Variants in PITPNC1 observed in about 807,000 individuals in gnomAD.
PITPNC1 encodes the protein cytoplasmic phosphatidylinositol transfer protein 1.
In PITPNC1, 18 loss-of-function variants were observed where a neutral mutation model predicts 44.7. The ratio of observed to expected loss-of-function variants is 0.40; its 90% confidence interval spans 0.28 to 0.60. The LOEUF is 0.60. Ranked by LOEUF, PITPNC1 falls within the 20% of genes least tolerant of loss-of-function variation. PITPNC1 has a pLI of 0.39. For missense variants in PITPNC1, 290 were observed against 418.4 expected, an observed-to-expected ratio of 0.69 and a Z score of 2.68; for synonymous variants, 141 against 149.6, an observed-to-expected ratio of 0.94 and a Z score of 0.42.
intron 4 of PITPNC1, among the ~76,000 whole-genome samples, chr17:67,555,272 A>G (rs574697300): frequency 6.6e-6 from 1 of 152,172 alleles, no homozygotes; most frequent in Non-Finnish European, 1.5e-5. Flanking sequence ...TTGTCTTTAG[A>G]GGGTCATATT....
intron 8 of PITPNC1, among the ~76,000 whole-genome samples, chr17:67,688,711 G>C (rs1599002811): frequency 6.6e-6 from 1 of 152,048 alleles, no homozygotes; most frequent in Non-Finnish European, 1.5e-5. Context: ...TTTTCTTTTA[G>C]AAATGTTGGG....
At position 67,537,506 on chromosome 17, in the gene PITPNC1, A is replaced by T. The variant is rs190813041; in HGVS notation, c.197+4556A>T. On this transcript the variant is annotated intron_variant, in intron 2 of 8. Coordinates refer to ENST00000581322, the MANE Select transcript of PITPNC1 (RefSeq NM_012417.4). ...ATCAGTCTATAAGATATACAAAATCATTTTGGAGAAAAACATAAAACATTT... is the reference window on the plus strand; with the variant it reads ...ATCAGTCTATAAGATATACAAAATCTTTTTGGAGAAAAACATAAAACATTT... Among the ~76,000 whole-genome samples the T allele has an allele frequency of 2.6e-5, 4 of 152,360 alleles. No individual in the cohort carries two copies. In the East Asian group the frequency reaches 7.7e-4, roughly 29 times the overall value.
intron 6 of PITPNC1, among the ~76,000 whole-genome samples, chr17:67,653,093 C>A (rs1368312536): frequency 6.6e-6 from 1 of 152,036 alleles, no homozygotes; most frequent in Non-Finnish European, 1.5e-5. Context: ...ACCAGCCAGG[C>A]CAACATGGTG....
At chr17:67,578,377 G>A (rs2041179411) in intron 5 of PITPNC1, 120 bp downstream of exon 5, 5 of 688,540 alleles carry the variant, frequency 7.3e-6, no homozygotes, top group South Asian at 1.6e-5. Context: ...CCTCAGAGAT[G>A]TTCTGGCCTT....
chr17:67,605,354 G>A (rs550521936), intron 5 of PITPNC1, among the ~76,000 whole-genome samples: 3 of 152,300 alleles, frequency 2.0e-5, no homozygotes, highest in African/African-American at 4.8e-5. Flanking sequence ...GTCCTGAACC[G>A]TTTACGGATT....
Position 67,681,608 on chromosome 17 carries a change from C to CAA in PITPNC1, c.682+6091_682+6092dup, listed in dbSNP as rs5821459. Reference sequence around the variant, plus strand: ...TAGGTGACAGAGCAAAACCCTATCTCAAAAAAAAAAAAAAAAAAAAAAAAA... The same window carrying CAA: ...TAGGTGACAGAGCAAAACCCTATCTCAAAAAAAAAAAAAAAAAAAAAAAAAAA... On this transcript the variant is annotated intron_variant, in intron 8 of 8. Transcript: ENST00000581322. Among the ~76,000 whole-genome samples, 233 of 36,430 alleles carry CAA rather than the reference C, an allele frequency of 6.4e-3. 7 individuals are homozygous for CAA. Among genetic ancestry groups the CAA allele is most frequent in the African/African-American group, 0.024 (220 of 9,316 alleles). 23.9% of individuals were successfully genotyped at this position (36,430 alleles called of 152,430 possible). A position where few individuals can be genotyped will look rare whatever the true frequency, so the allele number is the denominator to read the frequency against.
At chr17:67,490,907 T>TA (rs1214661855) in intron 1 of PITPNC1, among the ~76,000 whole-genome samples, 3 of 152,334 alleles carry the variant, frequency 2.0e-5, no homozygotes, top group Non-Finnish European at 4.4e-5. Context: ...ACTTTATACT[T>TA]ACTTCTCTCC....
chr17:67,449,668 C>T (rs2039148696), intron 1 of PITPNC1, among the ~76,000 whole-genome samples: 1 of 152,124 alleles, frequency 6.6e-6, no homozygotes, highest in South Asian at 2.1e-4. Flanking sequence ...AATTGAAACT[C>T]AACAAGTTTC....
chr17:67,669,137 G>A (rs900029669), intron 6 of PITPNC1, among the ~76,000 whole-genome samples: 11 of 151,942 alleles, frequency 7.2e-5, no homozygotes, highest in South Asian at 4.2e-4. Flanking sequence ...ATGGAGTTTC[G>A]CTCTTGTTAC....
At chr17:67,566,611 A>G (rs2040984601) in intron 4 of PITPNC1, among the ~76,000 whole-genome samples, 1 of 152,228 alleles carries the variant, frequency 6.6e-6, no homozygotes, top group African/African-American at 2.4e-5. Flanking sequence ...GTAATTTGGC[A>G]TCTAAAGGAA....
rs141969263 is a variant in PITPNC1 at position 67,508,955 on chromosome 17, C to T, written c.49-23847C>T. Among the ~76,000 whole-genome samples, 6 of 152,198 alleles carry T rather than the reference C, an allele frequency of 3.9e-5. No homozygotes were observed. Among genetic ancestry groups the T allele is most frequent in the East Asian group, 1.9e-4 (1 of 5,188 alleles). On this transcript the variant is annotated intron_variant, in intron 1 of 8. Coordinates refer to ENST00000581322, the MANE Select transcript of PITPNC1 (RefSeq NM_012417.4). The surrounding 1 kb of genome is among the most constrained non-coding windows in gnomAD (Gnocchi z 4.2). ...CCATAATTTAAAAATAAAAACAGGC[C>T]GGGCTTGGTGGCTCACGTCTGTAAT... is the stretch of plus-strand genomic sequence containing the variant.
chr17:67,650,637 G>C (rs763330718), intron 6 of PITPNC1, among the ~76,000 whole-genome samples: 2 of 151,942 alleles, frequency 1.3e-5, no homozygotes, highest in African/African-American at 4.8e-5. Context: ...TTTTAGTAGA[G>C]ACGGGGTTTC....
intron 1 of PITPNC1, among the ~76,000 whole-genome samples, chr17:67,513,489 G>GTA (rs571272051): frequency 0.02 from 2,808 of 138,596 alleles, 41 homozygotes; most frequent in Non-Finnish European, 0.03. Flanking sequence ...GTGTGTGTGT[G>GTA]TATATATATA....
chr17:67,476,515 C>G (rs1366312261), intron 1 of PITPNC1, among the ~76,000 whole-genome samples: 1 of 152,066 alleles, frequency 6.6e-6, no homozygotes, highest in Non-Finnish European at 1.5e-5. Context: ...GTCCATATGT[C>G]TGCTTGATAG....
chr17:67,423,162 G>A (rs1472844258), intron 1 of PITPNC1, among the ~76,000 whole-genome samples: 2 of 152,118 alleles, frequency 1.3e-5, no homozygotes, highest in South Asian at 2.1e-4. Context: ...TAACTTGTTC[G>A]GAAGCTTTTT....
At position 67,587,881 on chromosome 17, in the gene PITPNC1, T is replaced by A. The variant is rs150706793; in HGVS notation, c.366+9624T>A. On this transcript the variant is annotated intron_variant, in intron 5 of 8. Transcript: ENST00000581322. The stretch of plus-strand genomic sequence containing the variant: ...TGCATGGCTTTGGAGAGAAATGTTC[T>A]CTTCCTGACTACAAGTAGCTTCCCC... Among the ~76,000 whole-genome samples the A allele has an allele frequency of 5.9e-5, 9 of 152,346 alleles. No homozygotes were observed. In the East Asian group the frequency reaches 1.3e-3, roughly 23 times the overall value.
intron 8 of PITPNC1, among the ~76,000 whole-genome samples, chr17:67,679,578 G>A (rs2042666060): frequency 6.6e-6 from 1 of 152,228 alleles, no homozygotes; most frequent in South Asian, 2.1e-4. Flanking sequence ...TGAGGGTAGT[G>A]ATCATTTGTC....
At chr17:67,592,292 A>G (rs556346939) in intron 5 of PITPNC1, among the ~76,000 whole-genome samples, 1 of 152,328 alleles carries the variant, frequency 6.6e-6, no homozygotes, top group South Asian at 2.1e-4. Context: ...GCAACATAAC[A>G]TTAAGGTACC....
At chr17:67,384,506 A>G (rs969260874) in intron 1 of PITPNC1, among the ~76,000 whole-genome samples, 2 of 151,792 alleles carry the variant, frequency 1.3e-5, no homozygotes, top group South Asian at 4.1e-4. Flanking sequence ...GCTCACTGCA[A>G]GCTCCGCCTC....
Sources: allele counts gnomAD v4.1 joint callset (sites outside exome capture counted in the v4.1 genomes callset), GRCh38; gene constraint gnomAD v4.1.1; non-coding constraint Gnocchi (gnomAD v3.1); transcripts MANE v1.5; gene names NCBI Gene and HGNC (gene_info 2026-07-23, HGNC 2026-07-21).